EDC3: variants seen among roughly 807,000 people sequenced by gnomAD.
EDC3 encodes the protein enhancer of mRNA-decapping protein 3.
Under a neutral mutation model 41.8 loss-of-function variants are expected in EDC3, and 20 were observed. That is an observed-to-expected ratio of 0.48 (90% CI 0.34 to 0.70). The LOEUF (loss-of-function observed/expected upper bound fraction) is 0.70. Ranked by LOEUF, EDC3 falls within the 30% of genes least tolerant of loss-of-function variation. EDC3 has a pLI of 0.01. For missense variants in EDC3, 444 were observed against 636.8 expected (o/e 0.70, Z 3.26); for synonymous variants, 206 against 243.2 (o/e 0.85, Z 1.42).
chr15:74,693,383 C>G (rs2063030410), intron 1 of EDC3, among the ~76,000 whole-genome samples: 1 of 152,100 alleles, frequency 6.6e-6, no homozygotes, highest in South Asian at 2.1e-4. Context: ...TACATGCTTC[C>G]TTCATTTCAT....
chr15:74,663,907 G>A (rs1036794553), intron 3 of EDC3, among the ~76,000 whole-genome samples: 3 of 152,124 alleles, frequency 2.0e-5, no homozygotes, highest in African/African-American at 4.8e-5. Flanking sequence ...ATGATGCTGG[G>A]CACTGGTCAT....
intron 3 of EDC3, among the ~76,000 whole-genome samples, chr15:74,656,356 G>T (rs1364870595): frequency 6.6e-6 from 1 of 151,126 alleles, no homozygotes; most frequent in Non-Finnish European, 1.5e-5. Context: ...AGTGAGTGAT[G>T]ATCACGACAC....
At chr15:74,690,521 C>T (rs112426164) in intron 1 of EDC3, among the ~76,000 whole-genome samples, 1 of 152,186 alleles carries the variant, frequency 6.6e-6, no homozygotes, top group African/African-American at 2.4e-5. Context: ...AACCCTTGGC[C>T]TGCTAAAAAC....
chr15:74,687,302 C>T (rs1382359206), intron 1 of EDC3: 3 of 152,190 alleles, frequency 2.0e-5, no homozygotes, highest in Non-Finnish European at 2.9e-5. Flanking sequence ...GAGCCAGTAT[C>T]ATAAAACTAT....
intron 1 of EDC3, among the ~76,000 whole-genome samples, chr15:74,682,755 G>A (rs2062888546): frequency 6.6e-6 from 1 of 152,224 alleles, no homozygotes; most frequent in Non-Finnish European, 1.5e-5. Flanking sequence ...GGGCGCAGTG[G>A]CTCACGCCTG....
rs527870596 is a variant in EDC3 at position 74,669,173 on chromosome 15, G to A, written c.484+2282C>T. Among the ~76,000 whole-genome samples the A allele has an allele frequency of 4.0e-4, 61 of 151,794 alleles. No homozygotes were observed. The South Asian group carries it at 6.5e-3, about 16-fold the overall frequency. ...ACCAGCCTGACCAACATGGAGCCCC[G>A]TTTCTACTAAAAATACAAAATTAGC... On this transcript the variant is annotated intron_variant, in intron 3 of 6. Transcript: ENST00000315127.
intron 3 of EDC3, among the ~76,000 whole-genome samples, chr15:74,656,387 G>C (rs189492073): frequency 2.0e-5 from 3 of 147,870 alleles, no homozygotes; most frequent in African/African-American, 7.5e-5. Context: ...CCTGGGCAAA[G>C]AGCAAGAATC....
chr15:74,677,835 A>C (rs1318094262), intron 1 of EDC3, among the ~76,000 whole-genome samples: 2 of 152,196 alleles, frequency 1.3e-5, no homozygotes, highest in African/African-American at 4.8e-5. Context: ...CAAATTCGGA[A>C]GCAATCAAGA....
intron 1 of EDC3, among the ~76,000 whole-genome samples, chr15:74,685,203 T>C (rs1209997066): frequency 6.6e-6 from 1 of 152,034 alleles, no homozygotes; most frequent in Non-Finnish European, 1.5e-5. Context: ...GAGACCAGCC[T>C]AGGCAACATA....
intron 6 of EDC3, among the ~76,000 whole-genome samples, chr15:74,634,743 CTT>C (rs1218658709): frequency 2.0e-5 from 3 of 152,186 alleles, no homozygotes; most frequent in Non-Finnish European, 2.9e-5. Flanking sequence ...CACTACCACT[CTT>C]GTCTTAGCCA....
intron 4 of EDC3, among the ~76,000 whole-genome samples, chr15:74,652,060 A>G (rs1391473552): frequency 6.6e-6 from 1 of 152,190 alleles, no homozygotes; most frequent in Non-Finnish European, 1.5e-5. Flanking sequence ...TCATACCTGC[A>G]TATCGCTAGC....
chr15:74,688,241 G>A (rs1484152840), intron 1 of EDC3, among the ~76,000 whole-genome samples: 1 of 152,190 alleles, frequency 6.6e-6, no homozygotes, highest in Non-Finnish European at 1.5e-5. Flanking sequence ...TCGGACTAGG[G>A]AAGGGGCTCC....
intron 5 of EDC3, 21 bp from the exon 6 acceptor site, chr15:74,635,647 G>A: frequency 1.2e-6 from 2 of 1,606,536 alleles, no homozygotes; most frequent in Non-Finnish European, 1.7e-6. Flanking sequence ...AGGTGAAGAA[G>A]CAGTATCAGC....
At chr15:74,645,194 G>A (rs2062398777) in intron 4 of EDC3, 1 of 152,122 alleles carries the variant, frequency 6.6e-6, no homozygotes, top group African/African-American at 2.4e-5. Context: ...AATGTGCAAT[G>A]GATGATTAAA....
chr15:74,664,454 GGC>G (rs2062656132), intron 3 of EDC3, among the ~76,000 whole-genome samples: 2 of 152,244 alleles, frequency 1.3e-5, no homozygotes, highest in Admixed American at 1.3e-4. Context: ...GCCACCCTTT[GGC>G]ACAGAGGCCC....
chr15:74,646,348 C>T (rs569152244), intron 4 of EDC3, among the ~76,000 whole-genome samples: 9 of 152,334 alleles, frequency 5.9e-5, no homozygotes, highest in East Asian at 5.8e-4. Flanking sequence ...GTTGGGATTA[C>T]GGGCGTGAGC....
rs1261528347 is a variant in EDC3, at chr15:74,632,603, A to G, written c.*9T>C. The G allele has an allele frequency of 1.9e-6, 3 of 1,609,632 alleles. No individual in the cohort carries two copies. The highest frequency in any genetic ancestry group is 1.3e-5 in the African/African-American group (1 of 74,874). On this transcript the variant is annotated 3_prime_UTR_variant, in exon 7 of 7. Coordinates refer to ENST00000315127, the MANE Select transcript of EDC3 (RefSeq NM_025083.5). This position sits in a 1 kb window ranked among gnomAD's most constrained non-coding sequence, Gnocchi z 4.0. ...GGGGACAGCAGAGTCCTGCCTGCGC[A>G]GGAACCCTCTAAGCAGAGTGCAGTG... is the stretch of plus-strand genomic sequence containing the variant.
chr15:74,664,712 T>C (rs1006264901), intron 3 of EDC3, among the ~76,000 whole-genome samples: 1 of 152,210 alleles, frequency 6.6e-6, no homozygotes, highest in African/African-American at 2.4e-5. Context: ...TTTTCAAGCC[T>C]ATTAGATATA....
intron 4 of EDC3, among the ~76,000 whole-genome samples, chr15:74,649,861 G>A (rs188117138): frequency 1.3e-4 from 8 of 62,740 alleles, no homozygotes; most frequent in East Asian, 1.3e-3. Flanking sequence ...GGGAAAAAAA[G>A]GGGGGGGGGG....
Sources: gnomAD v4.1 joint callset for allele counts (sites outside exome capture counted in the v4.1 genomes callset) on GRCh38, gnomAD v4.1.1 for gene constraint, Gnocchi (gnomAD v3.1) non-coding constraint, MANE v1.5 for transcripts, NCBI Gene and HGNC (gene_info 2026-07-23, HGNC 2026-07-21) for gene names.